SLC6A16: variants seen among roughly 807,000 people sequenced by gnomAD.
SLC6A16 encodes orphan sodium- and chloride-dependent neurotransmitter transporter NTT5.
SLC6A16 carries 54 observed loss-of-function variants against 65.4 expected under a neutral mutation model. The ratio of observed to expected loss-of-function variants is 0.83; its 90% CI spans 0.66 to 1.04. The LOEUF (loss-of-function observed/expected upper bound fraction) is 1.04. Among genes scored for constraint, SLC6A16 ranks in the 50% least tolerant of loss-of-function variants. The pLI is 0.00. For synonymous variants in SLC6A16, 330 were observed against 346.5 expected (o/e 0.95, Z 0.53); for missense variants, 816 against 914.0 (o/e 0.89, Z 1.38).
chr19:49,331,706 A>C, the SLC6A16 span: 1 of 456,010 alleles, frequency 2.2e-6, no homozygotes, highest in Non-Finnish European at 4.4e-6. Flanking sequence ...AGGATTATGG[A>C]GGACATTTCA....
upstream of SLC6A16, among the ~76,000 whole-genome samples, chr19:49,329,971 T>C (rs354030): frequency 0.43 from 65,772 of 151,834 alleles, 15,198 homozygotes; most frequent in Admixed American, 0.55. Flanking sequence ...TGTTTTTTAA[T>C]AGCCAGGTGT....
At chr19:49,322,821 T>C (rs1343609750) in intron 1 of SLC6A16, among the ~76,000 whole-genome samples, 6 of 14,138 alleles carry the variant, frequency 4.2e-4, no homozygotes, top group Non-Finnish European at 6.5e-4. Context: ...TAGTAGCTTT[T>C]TTTTTTTTTT....
intron 1 of SLC6A16, among the ~76,000 whole-genome samples, chr19:49,323,793 A>C (rs1970754106): frequency 6.6e-6 from 1 of 152,178 alleles, no homozygotes. Flanking sequence ...ACCATGGAAA[A>C]CACTATGGTG....
chr19:49,317,671 T>C (rs1239692371), intron 1 of SLC6A16, among the ~76,000 whole-genome samples: 1 of 151,912 alleles, frequency 6.6e-6, no homozygotes, highest in Non-Finnish European at 1.5e-5. Context: ...CCGGGCATGG[T>C]GGCGGGCGCC....
the SLC6A16 span, chr19:49,338,786 C>G: frequency 6.2e-7 from 1 of 1,614,034 alleles, no homozygotes; most frequent in Non-Finnish European, 8.5e-7. The surrounding 1 kb of genome is among the most constrained non-coding windows in gnomAD (Gnocchi z 5.0). Flanking sequence ...ACCGCGTGCC[C>G]TGCTCCTGCT....
intron 1 of SLC6A16, among the ~76,000 whole-genome samples, chr19:49,322,766 CAACACTGTT>C (rs1970733497): frequency 7.8e-6 from 1 of 129,012 alleles, no homozygotes. Flanking sequence ...GGTTGGAAGA[CAACACTGTT>C]AAGATGTCAG....
At chr19:49,295,335 G>A (rs964682610) in intron 7 of SLC6A16, among the ~76,000 whole-genome samples, 2 of 150,956 alleles carry the variant, frequency 1.3e-5, no homozygotes, top group Non-Finnish European at 2.9e-5. Flanking sequence ...AGCCGAGATC[G>A]CACCACTGCC....
chr19:49,340,197 C>T, the SLC6A16 span: 1 of 1,541,378 alleles, frequency 6.5e-7, no homozygotes, highest in African/African-American at 1.4e-5. Flanking sequence ...GGGCATCACC[C>T]CCGTCTCGCC....
intron 3 of SLC6A16, 69 bp from the exon 4 acceptor site, chr19:49,310,235 G>A: frequency 6.2e-7 from 1 of 1,607,762 alleles, no homozygotes; most frequent in South Asian, 1.1e-5. Flanking sequence ...ATTTGACAGA[G>A]GATTGGGGAA....
Position 49,293,867 on chromosome 19 carries a change from G to A in SLC6A16, c.1578C>T (p.Asp526=). Residue 526 remains aspartate, a synonymous_variant, in exon 9 of 12, where the codon GAC becomes GAT. Coordinates refer to ENST00000335875, the MANE Select transcript of SLC6A16 (RefSeq NM_014037.3). The part of the protein sequence containing the change: ...IMQGIITPLQ[D]TFSFFRKHTK... ...TATGTTTCCTGAAGAAAGAGAAGGT[G>A]TCCTGGAGTGGAGTAATGATGCCCT... 1 of 1,614,098 alleles carries A rather than the reference G, an allele frequency of 6.2e-7. No individual in the cohort carries two copies. The highest frequency in any genetic ancestry group is 1.7e-5 in the Admixed American group (1 of 60,000).
chr19:49,340,166 C>T, the SLC6A16 span: 3 of 1,523,150 alleles, frequency 2.0e-6, no homozygotes, highest in Non-Finnish European at 1.8e-6. Flanking sequence ...CGGCCCCACC[C>T]CTGACCTTTC....
intron 5 of SLC6A16, 72 bp downstream of exon 5, chr19:49,309,579 T>C (rs1416509368): frequency 5.5e-6 from 8 of 1,448,222 alleles, no homozygotes; most frequent in Non-Finnish European, 7.7e-6. Context: ...GATTAGGAGA[T>C]CAACAAGTAA....
the SLC6A16 span, among the ~76,000 whole-genome samples, chr19:49,333,657 G>T: frequency 6.6e-6 from 1 of 152,154 alleles, no homozygotes; most frequent in Non-Finnish European, 1.5e-5. Context: ...GAGAGCAGGA[G>T]CCCAGAGCCT....
At chr19:49,334,647 C>A in the SLC6A16 span, among the ~76,000 whole-genome samples, 39 of 146,942 alleles carry the variant, frequency 2.7e-4, 1 homozygote, top group South Asian at 8.7e-3. Flanking sequence ...CCTGGGCAAC[C>A]TAGTGAGACC....
intron 7 of SLC6A16, among the ~76,000 whole-genome samples, chr19:49,297,255 T>C (rs1970203323): frequency 6.6e-6 from 1 of 152,150 alleles, no homozygotes; most frequent in Non-Finnish European, 1.5e-5. Flanking sequence ...ATTTTTAAAA[T>C]GGACAGTAGA....
At chr19:49,294,653 G>A (rs568658144) in intron 7 of SLC6A16, 100 bp from the exon 8 acceptor site, 9 of 1,106,298 alleles carry the variant, frequency 8.1e-6, no homozygotes, top group Non-Finnish European at 1.2e-5. Flanking sequence ...CACTGGCTTA[G>A]CATTACTGAT....
upstream of SLC6A16, among the ~76,000 whole-genome samples, chr19:49,326,049 A>G (rs1389209360): frequency 6.6e-6 from 1 of 151,864 alleles, no homozygotes; most frequent in African/African-American, 2.4e-5. Flanking sequence ...ACACACCTGT[A>G]ATCCCAGCTA....
chr19:49,290,657 A>T lies in SLC6A16; in HGVS notation c.1889T>A (p.Met630Lys). 2 of 1,614,134 alleles carry T rather than the reference A, an allele frequency of 1.2e-6. No homozygotes were observed. The change falls in exon 11 of 12, where the codon ATG (methionine) becomes AAG (lysine). Residue 630 changes from methionine to lysine, a missense_variant. By Grantham distance (95) the Met-to-Lys change is moderately conservative. Coordinates refer to ENST00000335875, the MANE Select transcript of SLC6A16 (RefSeq NM_014037.3). Reference protein sequence around the residue: ...VVLLIIFVTMMVHLCMKPITY... With the variant: ...VVLLIIFVTMKVHLCMKPITY... ...GATCGGCTTCATACAAAGATGAACCATCATGGTCACAAAGATGATTAGCAG... is the reference window on the plus strand; with the variant it reads ...GATCGGCTTCATACAAAGATGAACCTTCATGGTCACAAAGATGATTAGCAG...
intron 1 of SLC6A16, among the ~76,000 whole-genome samples, chr19:49,312,964 T>A (rs564426384): frequency 7.9e-5 from 12 of 151,272 alleles, no homozygotes; most frequent in Non-Finnish European, 1.6e-4. Context: ...ACGCCTGTAA[T>A]CTGAGCTACT....
Sources: gnomAD v4.1 joint callset for allele counts (sites outside exome capture counted in the v4.1 genomes callset) on GRCh38, gnomAD v4.1.1 for gene constraint, Gnocchi (gnomAD v3.1) non-coding constraint, MANE v1.5 for transcripts, NCBI Gene and HGNC (gene_info 2026-07-23, HGNC 2026-07-21) for gene names.